Variants in ST7L observed in about 807,000 individuals in gnomAD.
The protein encoded by ST7L is suppressor of tumorigenicity 7 protein-like.
A neutral mutation model predicts 72.5 loss-of-function variants in ST7L; 57 were observed. The ratio of observed to expected loss-of-function variants is 0.79; its 90% CI spans 0.64 to 0.98. The LOEUF (loss-of-function observed/expected upper bound fraction) is 0.98. Ranked by LOEUF, ST7L falls within the 50% of genes least tolerant of loss-of-function variation. The pLI is 0.00. For synonymous variants in ST7L, 221 were observed against 240.9 expected, an observed-to-expected ratio of 0.92 and a Z score of 0.77; for missense variants, 576 against 672.2, an observed-to-expected ratio of 0.86 and a Z score of 1.58.
At chr1:112,561,481 T>A (rs1557981760) in intron 11 of ST7L, among the ~76,000 whole-genome samples, 1 of 151,888 alleles carries the variant, frequency 6.6e-6, no homozygotes, top group Non-Finnish European at 1.5e-5. Context: ...TCTATACAGA[T>A]CTAACTTTTT....
chr1:112,518,207 A>G, the ST7L span: 1 of 152,262 alleles, frequency 6.6e-6, no homozygotes, highest in Non-Finnish European at 1.5e-5. Context: ...TTTTTCCCCA[A>G]GGGAATGAAA....
intron 11 of ST7L, among the ~76,000 whole-genome samples, chr1:112,561,210 G>A (rs1660072979): frequency 6.6e-6 from 1 of 150,460 alleles, no homozygotes; most frequent in South Asian, 2.1e-4. Context: ...TATATGCTCA[G>A]TGTACAGAAA....
At chr1:112,595,371 A>T (rs1344290353) in intron 5 of ST7L, among the ~76,000 whole-genome samples, 1 of 66,572 alleles carries the variant, frequency 1.5e-5, no homozygotes, top group East Asian at 7.3e-4. Context: ...GTCTCAAAAG[A>T]AAAAAAAAAA....
At chr1:112,518,091 G>A in the ST7L span, 8 of 152,220 alleles carry the variant, frequency 5.3e-5, no homozygotes, top group East Asian at 5.8e-4. Flanking sequence ...AAAAAGAAAC[G>A]AAGAAGAGAT....
At position 112,571,417 on chromosome 1, in the gene ST7L, A is replaced by C. The variant is rs144865740; in HGVS notation, c.1245+5569T>G. ...TGTGTATGTATATCTATCTATCTATATATCTATATAGTTTTATTTATTTAT... is the reference window on the plus strand; with the variant it reads ...TGTGTATGTATATCTATCTATCTATCTATCTATATAGTTTTATTTATTTAT... On this transcript the variant is annotated intron_variant, in intron 11 of 14. Coordinates refer to ENST00000358039, the MANE Select transcript of ST7L (RefSeq NM_017744.5). 275 of 376,252 alleles carry C rather than the reference A, an allele frequency of 7.3e-4. 1 individual carries two copies. The highest frequency in any genetic ancestry group is 5.3e-3 in the African/African-American group (243 of 45,816). 23.3% of individuals were successfully genotyped at this position (376,252 alleles called of 1,614,324 possible).
downstream of ST7L, chr1:112,520,184 C>G (rs897046780): frequency 5.5e-6 from 7 of 1,282,230 alleles, no homozygotes; most frequent in East Asian, 1.8e-4. Context: ...CCCAAAAAAG[C>G]GATTCTTTTT....
intron 3 of ST7L, 100 bp from the exon 4 acceptor site, chr1:112,600,948 G>T: frequency 1.1e-6 from 1 of 930,812 alleles, no homozygotes; most frequent in Non-Finnish European, 1.6e-6. Context: ...CACAGTGCTA[G>T]CCACAGATGG....
intron 11 of ST7L, among the ~76,000 whole-genome samples, chr1:112,570,568 T>C (rs529431524): frequency 2.4e-3 from 346 of 144,848 alleles, no homozygotes; most frequent in African/African-American, 8.8e-3. Context: ...TATATATATA[T>C]ATACACACAC....
intron 11 of ST7L, among the ~76,000 whole-genome samples, chr1:112,576,289 C>G (rs1010542637): frequency 1.3e-5 from 2 of 152,058 alleles, no homozygotes; most frequent in African/African-American, 2.4e-5. Flanking sequence ...GAGGTCTCAC[C>G]ACATTGCCCA....
chr1:112,540,124 A>C, intron 14 of ST7L: 2 of 985,452 alleles, frequency 2.0e-6, no homozygotes, highest in Non-Finnish European at 2.4e-6. Context: ...ATAAACATTA[A>C]TTGTAGCTTG....
intron 3 of ST7L, among the ~76,000 whole-genome samples, chr1:112,604,431 C>T (rs1306345989): frequency 6.6e-6 from 1 of 152,038 alleles, no homozygotes; most frequent in African/African-American, 2.4e-5. Context: ...ATAGGAGAGG[C>T]TCAAGGTACA....
chr1:112,585,191 A>T (rs1335188781), intron 6 of ST7L, among the ~76,000 whole-genome samples: 9 of 152,232 alleles, frequency 5.9e-5, no homozygotes, highest in Non-Finnish European at 1.2e-4. Context: ...AAAGAGAAAC[A>T]AAATGTTGTT....
Position 112,540,634 on chromosome 1 carries a change from A to G in ST7L, c.1629+1317T>C, listed in dbSNP as rs1198067383. On this transcript the variant is annotated intron_variant, in intron 14 of 14. Transcript: ENST00000358039. ...ATGGTTGACCTTCAGGGAAAAAGGG[A>G]AACCACTGCTCTTACCACTGGTGCC... 15 of 1,155,654 alleles carry G rather than the reference A, an allele frequency of 1.3e-5. No individual in the cohort carries two copies. The South Asian group carries it at 2.5e-4, about 20-fold the overall frequency. 71.6% of individuals were successfully genotyped at this position (1,155,654 alleles called of 1,614,324 possible).
intron 3 of ST7L, among the ~76,000 whole-genome samples, chr1:112,605,682 T>C (rs914079254): frequency 6.6e-6 from 1 of 151,728 alleles, no homozygotes; most frequent in Non-Finnish European, 1.5e-5. Flanking sequence ...AGAGCAAGAC[T>C]CTGTCTCAAA....
At chr1:112,618,100 AC>A in intron 1 of ST7L, 1 of 1,301,522 alleles carries the variant, frequency 7.7e-7, no homozygotes, top group Non-Finnish European at 1.0e-6. Context: ...TAATGGAAAT[AC>A]TTATATCTTG....
chr1:112,541,989 G>A lies in ST7L; in HGVS notation c.1591C>T (p.His531Tyr), dbSNP rs773547709. The A allele has an allele frequency of 6.2e-7, 1 of 1,613,910 alleles. No homozygotes were observed. The highest frequency in any genetic ancestry group is 1.7e-5 in the Admixed American group (1 of 59,994). ...ATACCCATGATTTCAGGAAACTGGT[G>A]AGTGAGAATGGCTATCATTGCTGTA... ...SSTAMIAILT[H>Y]QFPEIMGIFA... The change falls in exon 14 of 15, where the codon CAC becomes TAC. Residue 531 changes from histidine (H) to tyrosine (Y), a missense_variant. Physicochemically the swap from His to Tyr is moderately conservative, Grantham distance 83. Transcript: ENST00000358039.
chr1:112,597,905 C>A, intron 5 of ST7L, 66 bp downstream of exon 5: 1 of 1,198,116 alleles, frequency 8.3e-7, no homozygotes, highest in South Asian at 1.6e-5. Flanking sequence ...TAATAAATAA[C>A]TCTAAAGAAC....
At chr1:112,534,025 A>G (rs1354088473) in intron 14 of ST7L, among the ~76,000 whole-genome samples, 1 of 152,124 alleles carries the variant, frequency 6.6e-6, no homozygotes, top group Non-Finnish European at 1.5e-5. Flanking sequence ...ACAGACTTAA[A>G]CTGTGAAGAG....
At chr1:112,541,738 T>A (rs1656135387) in intron 14 of ST7L, 1 of 1,183,816 alleles carries the variant, frequency 8.4e-7, no homozygotes, top group Non-Finnish European at 1.1e-6. Context: ...TACAATCTTA[T>A]ATTGTATTCT....
Sources: allele counts gnomAD v4.1 joint callset (sites outside exome capture counted in the v4.1 genomes callset), GRCh38; gene constraint gnomAD v4.1.1; transcripts MANE v1.5; gene names NCBI Gene and HGNC (gene_info 2026-07-23, HGNC 2026-07-21).